PCNP: variants seen among roughly 807,000 people sequenced by gnomAD.
PCNP encodes the protein PEST proteolytic signal containing nuclear protein.
In PCNP, 6 loss-of-function variants were observed where a neutral mutation model predicts 21.8. The ratio of observed to expected loss-of-function variants is 0.28; its 90% CI spans 0.15 to 0.54. The LOEUF is 0.54. Among genes scored for constraint, PCNP ranks in the 20% least tolerant of loss-of-function variants. PCNP has a pLI of 0.95. For missense variants in PCNP, 161 were observed against 215.5 expected, an observed-to-expected ratio of 0.75 and a Z score of 1.58; for synonymous variants, 67 against 73.2, an observed-to-expected ratio of 0.92 and a Z score of 0.43.
rs368821607 is a variant in PCNP, at chr3:101,593,211, T to A, written c.*458T>A. ...TTGGGAAGAAAATGTTACTGAACTA[T>A]TGACTGAAAGTAAATTTAGATAAAA... On this transcript the variant is annotated 3_prime_UTR_variant, in exon 5 of 5. Transcript: ENST00000265260. 6.5e-6 allele frequency: 1 copy of A among 152,698 alleles called. No individual in the cohort carries two copies. The highest frequency in any genetic ancestry group is 1.5e-5 in the Non-Finnish European group (1 of 68,074). The allele number at this position is 152,698 out of a possible 1,614,324, so 9.5% of individuals were successfully genotyped here.
At chr3:101,587,449 A>C (rs1334890708) in intron 3 of PCNP, among the ~76,000 whole-genome samples, 2 of 151,736 alleles carry the variant, frequency 1.3e-5, no homozygotes, top group Non-Finnish European at 2.9e-5. Flanking sequence ...TTGGACTTTC[A>C]CTCATTCTAT....
At chr3:101,580,287 T>G (rs1440384764) in intron 2 of PCNP, among the ~76,000 whole-genome samples, 1 of 152,156 alleles carries the variant, frequency 6.6e-6, no homozygotes, top group African/African-American at 2.4e-5. Flanking sequence ...CTGCGTTGGC[T>G]GGGCACAGTG....
chr3:101,589,996 T>C lies in PCNP; in HGVS notation c.355-219T>C, dbSNP rs917092425. 72 of 495,978 alleles carry C rather than the reference T, an allele frequency of 1.5e-4. 1 individual carries two copies. The highest frequency in any genetic ancestry group is 2.1e-4 in the Non-Finnish European group (59 of 278,526). The allele number at this position is 495,978 out of a possible 1,614,324, so 30.7% of individuals were successfully genotyped here. On this transcript the variant is annotated intron_variant, in intron 3 of 4. Coordinates refer to ENST00000265260, the MANE Select transcript of PCNP (RefSeq NM_020357.3). Reference sequence around the variant, plus strand: ...TTTTAGTTCTAGAATGTTTGTTTTTTCAGCAGTTTTTTTTCTTTATGCAAA... The same window carrying C: ...TTTTAGTTCTAGAATGTTTGTTTTTCCAGCAGTTTTTTTTCTTTATGCAAA...
chr3:101,576,326 C>G (rs894118534), intron 1 of PCNP, among the ~76,000 whole-genome samples: 2 of 151,738 alleles, frequency 1.3e-5, no homozygotes, highest in Non-Finnish European at 2.9e-5. Context: ...ACTCCGTCTC[C>G]CCGATTCAAG....
At chr3:101,592,520 T>C (rs966845577) in intron 4 of PCNP, 107 bp from the exon 5 acceptor site, 4 of 835,538 alleles carry the variant, frequency 4.8e-6, no homozygotes, top group Non-Finnish European at 7.4e-6. Flanking sequence ...CAGTGTTCAG[T>C]CTGTGTTTAT....
chr3:101,586,577 A>T (rs918968840), intron 3 of PCNP, among the ~76,000 whole-genome samples: 121 of 60,682 alleles, frequency 2.0e-3, no homozygotes, highest in African/African-American at 4.4e-3. Flanking sequence ...TGTGTGAGAG[A>T]GAGAGAGAGA....
chr3:101,592,812 T>G lies in PCNP; in HGVS notation c.*59T>G. 1 of 1,525,042 alleles carries G rather than the reference T, an allele frequency of 6.6e-7. No individual in the cohort carries two copies. The highest frequency in any genetic ancestry group is 8.9e-7 in the Non-Finnish European group (1 of 1,126,966). The allele number at this position is 1,525,042 out of a possible 1,614,324, so 94.5% of individuals were successfully genotyped here. A position where few individuals can be genotyped will look rare whatever the true frequency, so the allele number is the denominator to read the frequency against. ...TAAAGTTAAAAGGAACAGTTTCCTT[T>G]TTTAAAGAATGGTATAAGACTATCT... On this transcript the variant is annotated 3_prime_UTR_variant, in exon 5 of 5. Transcript: ENST00000265260.
intron 3 of PCNP, among the ~76,000 whole-genome samples, chr3:101,589,136 T>C (rs1243918690): frequency 6.6e-6 from 1 of 152,124 alleles, no homozygotes; most frequent in Non-Finnish European, 1.5e-5. Flanking sequence ...TGTCTCTTAC[T>C]GTAAGGAAGA....
intron 3 of PCNP, 160 bp from the exon 4 acceptor site, chr3:101,590,055 A>G (rs1935726624): frequency 1.7e-6 from 1 of 605,608 alleles, no homozygotes; most frequent in Admixed American, 3.2e-5. Context: ...TTTATTTTTT[A>G]AATGTAGTTA....
chr3:101,576,591 G>C, intron 1 of PCNP: 1 of 1,611,004 alleles, frequency 6.2e-7, no homozygotes, highest in Non-Finnish European at 8.5e-7. Flanking sequence ...GCCCTCTATG[G>C]GCCCGAATCT....
At chr3:101,580,622 A>C (rs963021709) in intron 2 of PCNP, among the ~76,000 whole-genome samples, 1 of 152,300 alleles carries the variant, frequency 6.6e-6, no homozygotes, top group African/African-American at 2.4e-5. Context: ...TGGAACGACA[A>C]ATGGGAATTG....
Position 101,579,934 on chromosome 3 carries a change from A to G in PCNP, c.209A>G (p.Lys70Arg), listed in dbSNP as rs759991840. Reference protein sequence around the residue: ...DLPTKPTKISKFGFAIGSQTT... With the variant: ...DLPTKPTKISRFGFAIGSQTT... ...CCAACAAAGCCTACAAAGATCTCCA[A>G]GTTTGGATTTGCCATAGGTAGTCAG... is the stretch of plus-strand genomic sequence containing the variant. The change falls in exon 2 of 5, where the codon AAG becomes AGG. Residue 70 changes from lysine (K) to arginine (R), a missense_variant. Transcript: ENST00000265260. 1.5e-5 allele frequency: 24 copies of G among 1,613,968 alleles called. No individual in the cohort carries two copies. Among genetic ancestry groups the G allele is most frequent in the Non-Finnish European group, 1.9e-5 (23 of 1,179,938 alleles).
chr3:101,584,557 T>G (rs933542505), intron 2 of PCNP, among the ~76,000 whole-genome samples: 3 of 152,098 alleles, frequency 2.0e-5, no homozygotes, highest in African/African-American at 7.2e-5. Context: ...GGTGTTTTTA[T>G]TTTTTATTTT....
chr3:101,576,907 C>T (rs528441272), intron 1 of PCNP: 15 of 1,600,634 alleles, frequency 9.4e-6, no homozygotes, highest in Middle Eastern at 4.3e-4. Context: ...GTTGAGTACT[C>T]GCAAAATATG....
At chr3:101,581,724 G>A (rs919872290) in intron 2 of PCNP, among the ~76,000 whole-genome samples, 2 of 149,846 alleles carry the variant, frequency 1.3e-5, no homozygotes, top group African/African-American at 2.5e-5. Flanking sequence ...ATGAGCCACC[G>A]AGCTCGGCCC....
chr3:101,583,870 C>G (rs1340173121), intron 2 of PCNP, among the ~76,000 whole-genome samples: 7 of 28,806 alleles, frequency 2.4e-4, no homozygotes, highest in Middle Eastern at 0.014. Flanking sequence ...ACCATGTTGG[C>G]CAGGCTGGTC....
intron 3 of PCNP, 125 bp downstream of exon 3, chr3:101,585,636 G>T: frequency 1.7e-6 from 1 of 583,972 alleles, no homozygotes; most frequent in Admixed American, 3.5e-5. Context: ...GTCTGTGTGT[G>T]ACATCCATAA....
intron 3 of PCNP, among the ~76,000 whole-genome samples, chr3:101,586,432 A>G (rs555611724): frequency 3.3e-5 from 5 of 152,146 alleles, no homozygotes; most frequent in Non-Finnish European, 7.4e-5. Context: ...TTTTTGTACT[A>G]GACTCTGACA....
intron 1 of PCNP, among the ~76,000 whole-genome samples, chr3:101,574,587 G>C (rs1025545517): frequency 6.6e-6 from 1 of 152,056 alleles, no homozygotes; most frequent in Non-Finnish European, 1.5e-5. Context: ...ACCAGGAGCG[G>C]CGGTGCAGGA....
Sources: allele counts gnomAD v4.1 joint callset (sites outside exome capture counted in the v4.1 genomes callset), GRCh38; gene constraint gnomAD v4.1.1; transcripts MANE v1.5; gene names NCBI Gene and HGNC (gene_info 2026-07-23, HGNC 2026-07-21).